The following RALY variants were observed in gnomAD, a reference collection of about 807,000 sequenced individuals.
The protein encoded by RALY is RALY heterogeneous nuclear ribonucleoprotein.
RALY carries 15 observed loss-of-function variants against 30.7 expected under a neutral mutation model. The observed-to-expected ratio is 0.49, with a 90% confidence interval of 0.33 to 0.75. The LOEUF (loss-of-function observed/expected upper bound fraction) is 0.75. RALY is among the 30% of genes least tolerant of loss of function. The probability of loss-of-function intolerance (pLI) is 0.02; values close to 1 mark genes in which losing one functional copy is unlikely to be tolerated. For synonymous variants in RALY, 177 were observed against 170.8 expected (o/e 1.04, Z -0.28); for missense variants, 339 against 414.3 (o/e 0.82, Z 1.58).
At chr20:34,016,636 C>T (rs535096245) in intron 1 of RALY, 1 of 152,356 alleles carries the variant, frequency 6.6e-6, no homozygotes, top group East Asian at 1.9e-4. Flanking sequence ...TCTGATACCA[C>T]CTTGGACAAG....
intron 1 of RALY, among the ~76,000 whole-genome samples, chr20:34,016,756 G>C (rs142693639): frequency 1.5e-4 from 23 of 152,360 alleles, no homozygotes; most frequent in Admixed American, 3.9e-4. Flanking sequence ...TTTAGTCTGG[G>C]ATCTTTTTCT....
At chr20:34,059,673 T>A in intron 2 of RALY, among the ~76,000 whole-genome samples, 1 of 152,166 alleles carries the variant, frequency 6.6e-6, no homozygotes, top group South Asian at 2.1e-4. Context: ...CTATTTTAAC[T>A]TAGAGCTATG....
At position 34,077,058 on chromosome 20, in the gene RALY, C is replaced by CCAG. The variant is rs10649600; in HGVS notation, c.690_691insAGC (p.Ala230_Gly231insSer). ...AAGAAGAAGGGTGATGGAGGTGGCG[C>CCAG]CGGCGGCGGCGGCGGTGGTGGTGGC... On this transcript the variant is annotated inframe_insertion, in exon 8 of 10. Coordinates refer to ENST00000246194, the MANE Select transcript of RALY (RefSeq NM_016732.3). 0.66 allele frequency: 1,052,667 copies of CCAG among 1,588,872 alleles called. 351,482 individuals carry two copies. The highest frequency in any genetic ancestry group is 0.84 in the South Asian group (75,338 of 89,604).
intron 2 of RALY, among the ~76,000 whole-genome samples, chr20:34,057,472 C>A (rs1481244168): frequency 1.3e-5 from 2 of 152,024 alleles, no homozygotes; most frequent in Non-Finnish European, 2.9e-5. Flanking sequence ...TCGAGACCAT[C>A]CTGGCTAACA....
intron 1 of RALY, among the ~76,000 whole-genome samples, chr20:34,022,642 C>G (rs1327268203): frequency 6.6e-6 from 1 of 152,174 alleles, no homozygotes; most frequent in Non-Finnish European, 1.5e-5. Context: ...TCCTATGCCT[C>G]ACTTCCTTTT....
At chr20:34,009,752 G>A (rs1431564521) in intron 1 of RALY, among the ~76,000 whole-genome samples, 2 of 152,098 alleles carry the variant, frequency 1.3e-5, no homozygotes, top group Non-Finnish European at 2.9e-5. Context: ...TCTTTAGACA[G>A]CATATTTGTT....
chr20:34,052,758 C>T (rs1227376811), intron 2 of RALY, among the ~76,000 whole-genome samples: 1 of 152,180 alleles, frequency 6.6e-6, no homozygotes, highest in Non-Finnish European at 1.5e-5. Flanking sequence ...TGAGTTATAT[C>T]TGGGGGACTC....
chr20:34,031,295 A>G (rs571663221), intron 1 of RALY, among the ~76,000 whole-genome samples: 1 of 148,198 alleles, frequency 6.7e-6, no homozygotes, highest in South Asian at 2.1e-4. Flanking sequence ...TCCTGACTTC[A>G]GGTGATCCAT....
rs376489633 is a variant in RALY at position 34,078,528 on chromosome 20, G to A, written c.900G>A (p.Ala300=). Residue 300 remains alanine, a synonymous_variant, in exon 9 of 10, where the codon GCG becomes GCA. Transcript: ENST00000246194. ...AGGAACACAGCCAGGACACAGACGC[G>A]GATGATGGGGCCTTGCAGTAAGCAG... ...EELEHSQDTD[A]DDGALQ The A allele has an allele frequency of 3.8e-5, 61 of 1,589,084 alleles. 1 individual carries two copies. The Admixed American group carries it at 4.2e-4, about 11-fold the overall frequency.
At chr20:34,057,983 C>T (rs1336767062) in intron 2 of RALY, among the ~76,000 whole-genome samples, 1 of 152,118 alleles carries the variant, frequency 6.6e-6, no homozygotes, top group African/African-American at 2.4e-5. Context: ...TGCCCTTTCT[C>T]CTGCAGCTGA....
intron 2 of RALY, among the ~76,000 whole-genome samples, chr20:34,053,383 A>ATTCTTTTT (rs2033140046): frequency 1.8e-5 from 1 of 54,098 alleles, no homozygotes; most frequent in Non-Finnish European, 3.2e-5. Context: ...ATGTTCAATA[A>ATTCTTTTT]TTTTTTTTTT....
intron 1 of RALY, among the ~76,000 whole-genome samples, chr20:34,011,728 A>G (rs2031405334): frequency 6.6e-6 from 1 of 152,214 alleles, no homozygotes; most frequent in East Asian, 1.9e-4. Context: ...AGATGAAACT[A>G]AGGTCCAGAG....
intron 2 of RALY, among the ~76,000 whole-genome samples, chr20:34,046,813 CTTTTTTTTTTTTT>C (rs61495395): frequency 0.016 from 1,135 of 72,876 alleles, 23 homozygotes; most frequent in African/African-American, 0.063. Context: ...GACCTCCACT[CTTTTTTTTTTTTT>C]TTTTTTTTTT....
At chr20:33,999,123 CAAAAAA>C (rs1039542148) in intron 1 of RALY, among the ~76,000 whole-genome samples, 3 of 54,148 alleles carry the variant, frequency 5.5e-5, no homozygotes, top group African/African-American at 1.9e-4. Context: ...GACTCCATCT[CAAAAAA>C]AAAAAAAAAA....
intron 1 of RALY, among the ~76,000 whole-genome samples, chr20:33,999,141 A>AT (rs2030789117): frequency 6.6e-6 from 1 of 150,552 alleles, no homozygotes; most frequent in Non-Finnish European, 1.5e-5. Context: ...AAAAAAAAAA[A>AT]GGAAAGAAAA....
At position 34,048,405 on chromosome 20, in the gene RALY, A is replaced by T. The variant is rs6059646; in HGVS notation, c.-10+16801A>T. Among the ~76,000 whole-genome samples the T allele has an allele frequency of 6.4e-3, 979 of 152,248 alleles. 11 individuals carry two copies. The highest frequency in any genetic ancestry group is 0.022 in the African/African-American group (926 of 41,530). On this transcript the variant is annotated intron_variant, in intron 2 of 9. Transcript: ENST00000246194. ...AGGACTTCACATGAGTCTAAGTCTC[A>T]TATGCTTTTAACAATGGAGGGACCT...
chr20:34,073,645 TCTGA>T lies in RALY; in HGVS notation c.329+14_329+17del, dbSNP rs755892932. 8.9e-6 allele frequency: 14 copies of T among 1,580,124 alleles called. No individual in the cohort carries two copies. The highest frequency in any genetic ancestry group is 6.7e-5 in the Admixed American group (4 of 59,974). ...CATCTGCCATATACAGGTGGGGCTG[TCTGA>T]CTGTCTGTCTGTCTGGTGGGATGAC... On this transcript the variant is annotated intron_variant, in intron 4 of 9. Transcript: ENST00000246194.
chr20:34,016,176 G>A (rs547698970), intron 1 of RALY, among the ~76,000 whole-genome samples: 1 of 152,208 alleles, frequency 6.6e-6, no homozygotes, highest in Non-Finnish European at 1.5e-5. Flanking sequence ...TTATACCCAG[G>A]TGCTGTCACC....
intron 2 of RALY, among the ~76,000 whole-genome samples, chr20:34,067,291 G>A (rs2033601660): frequency 1.3e-5 from 2 of 151,982 alleles, no homozygotes; most frequent in South Asian, 4.1e-4. Context: ...AGCCTCCCAA[G>A]TAGCTGGGAT....
Sources: allele counts gnomAD v4.1 joint callset (sites outside exome capture counted in the v4.1 genomes callset), GRCh38; gene constraint gnomAD v4.1.1; transcripts MANE v1.5; gene names NCBI Gene and HGNC (gene_info 2026-07-23, HGNC 2026-07-21).